The following AP3D1 variants were observed in gnomAD, a reference collection of about 807,000 sequenced individuals.
AP3D1 encodes the protein AP-3 complex subunit delta-1.
AP3D1 carries 51 observed loss-of-function variants against 147.6 expected under a neutral mutation model. The ratio of observed to expected loss-of-function variants is 0.35; its 90% CI spans 0.28 to 0.44. The LOEUF (loss-of-function observed/expected upper bound fraction) is 0.44. AP3D1 is among the 20% of genes least tolerant of loss of function. The pLI, the probability that AP3D1 is intolerant of heterozygous loss-of-function variation, is 1.00. For synonymous variants in AP3D1, 760 were observed against 663.0 expected (o/e 1.15, Z -2.25); for missense variants, 1,421 against 1,624.2 (o/e 0.87, Z 2.15).
chr19:2,107,478 A>C (rs2018143948), intron 31 of AP3D1, among the ~76,000 whole-genome samples: 2 of 151,408 alleles, frequency 1.3e-5, no homozygotes, highest in South Asian at 2.1e-4. Context: ...CGGTGGCTCA[A>C]GCCTGTAATC....
intron 1 of AP3D1, among the ~76,000 whole-genome samples, chr19:2,156,609 G>C (rs1007969685): frequency 4.6e-5 from 7 of 151,750 alleles, no homozygotes; most frequent in Admixed American, 3.3e-4. Flanking sequence ...CCAGCCCTTT[G>C]GGAGGTTGAG....
At chr19:2,128,543 C>G (rs1199040108) in intron 8 of AP3D1, among the ~76,000 whole-genome samples, 1 of 116,684 alleles carries the variant, frequency 8.6e-6, no homozygotes, top group African/African-American at 3.6e-5. Flanking sequence ...GTGGAGCCGG[C>G]CCGCCCCACA....
chr19:2,131,513 G>C (rs79902899), intron 5 of AP3D1, among the ~76,000 whole-genome samples: 40 of 72,528 alleles, frequency 5.5e-4, no homozygotes, highest in African/African-American at 1.0e-3. Context: ...GAGGGGACAG[G>C]GCCCATCGGC....
chr19:2,142,766 T>C (rs2019255438), intron 1 of AP3D1, among the ~76,000 whole-genome samples: 1 of 151,482 alleles, frequency 6.6e-6, no homozygotes, highest in Admixed American at 6.6e-5. Flanking sequence ...TTTTTTTTTT[T>C]TCTTTTTTTA....
intron 16 of AP3D1, 89 bp from the exon 17 acceptor site, chr19:2,116,835 G>A (rs2018469888): frequency 6.9e-6 from 10 of 1,447,358 alleles, no homozygotes; most frequent in Middle Eastern, 2.3e-4. Context: ...CCACGTGCCT[G>A]GCCATGTGAT....
intron 15 of AP3D1, 41 bp downstream of exon 15, chr19:2,118,560 G>A (rs553669168): frequency 1.1e-5 from 17 of 1,568,654 alleles, no homozygotes; most frequent in East Asian, 4.5e-5. Flanking sequence ...GGCACTGAGG[G>A]CTCCCTGAGG....
intron 31 of AP3D1, among the ~76,000 whole-genome samples, chr19:2,104,189 C>G (rs1266665446): frequency 6.7e-6 from 1 of 149,162 alleles, no homozygotes; most frequent in East Asian, 2.0e-4. Context: ...AACGCTGAGA[C>G]CGCAACACCG....
At chr19:2,137,899 G>C in intron 2 of AP3D1, 92 bp from the exon 3 acceptor site, 1 of 1,168,270 alleles carries the variant, frequency 8.6e-7, no homozygotes, top group Non-Finnish European at 1.3e-6. Flanking sequence ...CCCAGCACAC[G>C]GTGCTGGAAC....
At chr19:2,116,991 G>A in intron 16 of AP3D1, 1 of 789,122 alleles carries the variant, frequency 1.3e-6, no homozygotes. Flanking sequence ...GAGCTTTATG[G>A]CAAGGGTGGG....
At chr19:2,115,809 A>G (rs1439529595) in intron 18 of AP3D1, among the ~76,000 whole-genome samples, 196 bp from the exon 19 acceptor site, 2 of 152,266 alleles carry the variant, frequency 1.3e-5, no homozygotes, top group African/African-American at 4.8e-5. Context: ...TGAGGACTGG[A>G]AAGCTTGTCA....
chr19:2,157,115 C>T (rs1254309896), intron 1 of AP3D1, among the ~76,000 whole-genome samples: 1 of 151,780 alleles, frequency 6.6e-6, no homozygotes, highest in East Asian at 1.9e-4. Flanking sequence ...TCCATCCATC[C>T]ATCCACCCAC....
At chr19:2,128,493 C>T (rs1383011624) in intron 8 of AP3D1, among the ~76,000 whole-genome samples, 3 of 131,138 alleles carry the variant, frequency 2.3e-5, no homozygotes, top group South Asian at 4.8e-4. Context: ...CACTGCACCC[C>T]GTGGAGCCGG....
At chr19:2,147,362 A>G (rs2019385166) in intron 1 of AP3D1, among the ~76,000 whole-genome samples, 5 of 149,560 alleles carry the variant, frequency 3.3e-5, no homozygotes, top group Admixed American at 3.3e-4. Context: ...AAAAAAAAAA[A>G]AAGAAAAGAA....
intron 16 of AP3D1, 27 bp from the exon 17 acceptor site, chr19:2,116,773 G>A (rs771021072): frequency 6.3e-7 from 1 of 1,586,452 alleles, no homozygotes; most frequent in Non-Finnish European, 8.6e-7. Context: ...GGCCACACAA[G>A]GCAGTGTGTG....
chr19:2,133,924 A>G (rs780406052), intron 4 of AP3D1, among the ~76,000 whole-genome samples: 18 of 151,886 alleles, frequency 1.2e-4, no homozygotes, highest in Non-Finnish European at 2.4e-4. Flanking sequence ...CCTGACCAAC[A>G]TGGTGAAACC....
chr19:2,102,762 A>C (rs918507721), intron 31 of AP3D1, among the ~76,000 whole-genome samples: 3 of 148,628 alleles, frequency 2.0e-5, no homozygotes, highest in South Asian at 2.1e-4. Context: ...TAAATAAATA[A>C]ATAAATAAAT....
At chr19:2,107,565 C>G (rs1453700046) in intron 31 of AP3D1, among the ~76,000 whole-genome samples, 2 of 151,696 alleles carry the variant, frequency 1.3e-5, no homozygotes, top group Non-Finnish European at 2.9e-5. Context: ...ACGGTGAAAC[C>G]CTGTCTCTAC....
At chr19:2,122,631 T>C (rs561925313) in intron 11 of AP3D1, among the ~76,000 whole-genome samples, 3 of 152,168 alleles carry the variant, frequency 2.0e-5, no homozygotes, top group Non-Finnish European at 4.4e-5. Context: ...GAACAACTAA[T>C]AGTAACTAAG....
chr19:2,116,905 T>C lies in AP3D1; in HGVS notation c.1860-159A>G. The C allele has an allele frequency of 2.9e-6, 3 of 1,045,760 alleles. 1 individual carries two copies. Among genetic ancestry groups the C allele is most frequent in the Non-Finnish European group, 4.0e-6 (3 of 748,058 alleles). 64.8% of individuals were successfully genotyped at this position (1,045,760 alleles called of 1,614,324 possible). ...CCAGCGAGGCAGGTGTCACTGCCCCTTAAGAGGACGCAGGGACCCAGGAAG... is the reference window on the plus strand; with the variant it reads ...CCAGCGAGGCAGGTGTCACTGCCCCCTAAGAGGACGCAGGGACCCAGGAAG... On this transcript the variant is annotated intron_variant, in intron 16 of 31. Transcript: ENST00000643116.
Sources: gnomAD v4.1 joint callset for allele counts (sites outside exome capture counted in the v4.1 genomes callset) on GRCh38, gnomAD v4.1.1 for gene constraint, MANE v1.5 for transcripts, NCBI Gene and HGNC (gene_info 2026-07-23, HGNC 2026-07-21) for gene names.